The following TRPM1 variants were observed in gnomAD, a reference collection of about 807,000 sequenced individuals.
The protein encoded by TRPM1 is transient receptor potential cation channel subfamily M member 1.
TRPM1 carries 113 observed loss-of-function variants against 149.4 expected under a neutral mutation model. That is an observed-to-expected ratio of 0.76 (90% confidence interval 0.65 to 0.88). TRPM1 has a LOEUF of 0.88. Ranked by LOEUF, TRPM1 falls within the 40% of genes least tolerant of loss-of-function variation. The probability of loss-of-function intolerance (pLI) is 0.00; values close to 1 mark genes in which losing one functional copy is unlikely to be tolerated. For missense variants in TRPM1, 1,976 were observed against 2,038.7 expected, an observed-to-expected ratio of 0.97 and a Z score of 0.59; for synonymous variants, 741 against 759.5, an observed-to-expected ratio of 0.98 and a Z score of 0.40.
At chr15:31,144,696 T>C (rs1053052680) in intron 1 of TRPM1, among the ~76,000 whole-genome samples, 4 of 151,584 alleles carry the variant, frequency 2.6e-5, no homozygotes, top group Non-Finnish European at 5.9e-5. Context: ...CTGTGGCCCT[T>C]TTCATTGTTT....
intron 27 of TRPM1, among the ~76,000 whole-genome samples, chr15:31,006,086 C>T (rs930725475): frequency 4.6e-5 from 7 of 152,206 alleles, no homozygotes; most frequent in African/African-American, 1.7e-4. Context: ...TTTTTCAGCA[C>T]ATTACAGAAT....
intron 1 of TRPM1, among the ~76,000 whole-genome samples, chr15:31,098,215 CGGATCACCTGAGGTCA>C (rs2035435940): frequency 6.6e-6 from 1 of 151,922 alleles, no homozygotes; most frequent in Non-Finnish European, 1.5e-5. Context: ...CTGAGGTGGG[CGGATCACCTGAGGTCA>C]GGAGTTTGAG....
intron 1 of TRPM1, chr15:31,160,786 C>T (rs2036434472): frequency 2.7e-6 from 3 of 1,129,484 alleles, no homozygotes; most frequent in Non-Finnish European, 3.8e-6. Flanking sequence ...CATGCCCACC[C>T]AGCACAGTTT....
intron 26 of TRPM1, among the ~76,000 whole-genome samples, chr15:31,026,709 G>A (rs1372106959): frequency 6.6e-6 from 1 of 152,106 alleles, no homozygotes; most frequent in Non-Finnish European, 1.5e-5. Flanking sequence ...CTATGAGCTG[G>A]CTTTCCTAAT....
At position 31,069,494 on chromosome 15, in the gene TRPM1, T is replaced by C. The variant is rs2140965985; in HGVS notation, c.279+537A>G. 4.6e-6 allele frequency: 5 copies of C among 1,075,934 alleles called. No individual in the cohort carries two copies. In the South Asian group the frequency reaches 2.2e-4, roughly 46 times the overall value. The allele number at this position is 1,075,934 out of a possible 1,614,324, so 66.6% of individuals were successfully genotyped here. A position where few individuals can be genotyped will look rare whatever the true frequency, so the allele number is the denominator to read the frequency against. On this transcript the variant is annotated intron_variant, in intron 4 of 27. Coordinates refer to ENST00000256552, the MANE Select transcript of TRPM1 (RefSeq NM_001252024.2). ...GGGCATGTAGGAGTGTAATTCAGAG[T>C]GAGCTGGAACGGATCACAGAGCTGA...
intron 3 of TRPM1, among the ~76,000 whole-genome samples, chr15:31,075,419 A>C (rs1197136860): frequency 6.6e-6 from 1 of 152,232 alleles, no homozygotes; most frequent in East Asian, 1.9e-4. Context: ...TCATTATAAA[A>C]TGTTCTTAAT....
rs1555431120 is a variant in TRPM1 at position 31,119,243 on chromosome 15, A to AAAACAAAT, written c.54+41662_54+41663insATTTGTTT. Among the ~76,000 whole-genome samples, 5 of 148,264 alleles carry AAAACAAAT rather than the reference A, an allele frequency of 3.4e-5. No individual in the cohort carries two copies. The East Asian group carries it at 1.0e-3, about 30-fold the overall frequency. On this transcript the variant is annotated intron_variant, in intron 1 of 26. Coordinates refer to the TRPM1 transcript ENST00000542188. ...GCAACAAGAGTGAAACTCCATCTCA[A>AAAACAAAT]AAATAAATAAATAAATAAATAAATA...
At chr15:31,133,358 A>G (rs1010935816) in intron 1 of TRPM1, among the ~76,000 whole-genome samples, 1 of 152,306 alleles carries the variant, frequency 6.6e-6, no homozygotes, top group East Asian at 1.9e-4. Flanking sequence ...ACTTGAGGTC[A>G]GGAGTTGGAG....
intron 1 of TRPM1, among the ~76,000 whole-genome samples, chr15:31,084,389 C>A (rs2034941588): frequency 6.6e-6 from 1 of 152,152 alleles, no homozygotes; most frequent in African/African-American, 2.4e-5. Context: ...CAGCTCCTGG[C>A]AACCACAAAT....
intron 1 of TRPM1, among the ~76,000 whole-genome samples, chr15:31,140,746 T>C (rs751319005): frequency 2.0e-5 from 3 of 152,246 alleles, no homozygotes; most frequent in Non-Finnish European, 2.9e-5. Context: ...ACCTCTTTTC[T>C]TTATAAATTA....
chr15:31,112,589 T>A (rs1158547452), intron 1 of TRPM1, among the ~76,000 whole-genome samples: 3 of 152,120 alleles, frequency 2.0e-5, no homozygotes, highest in African/African-American at 7.2e-5. Context: ...AGGGGCCAAT[T>A]AAACTTTTTT....
At chr15:31,036,177 G>T (rs2033360486) in intron 20 of TRPM1, among the ~76,000 whole-genome samples, 1 of 152,096 alleles carries the variant, frequency 6.6e-6, no homozygotes, top group Non-Finnish European at 1.5e-5. Context: ...GGCATGTCCA[G>T]GATTTGCTGT....
rs2033580648 is a variant in TRPM1 at position 31,040,524 on chromosome 15, G to C, written c.2088-178C>G. On this transcript the variant is annotated intron_variant, in intron 17 of 27. Coordinates refer to ENST00000256552, the MANE Select transcript of TRPM1 (RefSeq NM_001252024.2). The surrounding 1 kb of genome is among the most constrained non-coding windows in gnomAD (Gnocchi z 4.2). ...ATGTGTCCCCAAAGGGGGAAGGCCA[G>C]GGACAGTGGCTGGGAGCTCAGTCAG... 6.6e-6 allele frequency among the ~76,000 whole-genome samples: 1 copy of C among 152,256 alleles called. No individual in the cohort carries two copies. Among genetic ancestry groups the C allele is most frequent in the African/African-American group, 2.4e-5 (1 of 41,470 alleles).
chr15:31,160,884 G>A, intron 1 of TRPM1: 1 of 1,535,364 alleles, frequency 6.5e-7, no homozygotes, highest in South Asian at 1.2e-5. Context: ...CTGCCCGCAG[G>A]CCACTGGCAA....
At chr15:31,032,293 T>C (rs574789066) in intron 22 of TRPM1, among the ~76,000 whole-genome samples, 1 of 152,034 alleles carries the variant, frequency 6.6e-6, no homozygotes, top group East Asian at 1.9e-4. Context: ...TCAGAAGGAA[T>C]AAAAAACAAA....
intron 1 of TRPM1, among the ~76,000 whole-genome samples, chr15:31,109,333 C>CAAAAAAAAAAAAAAAAAAAAAAAA (rs36072024): frequency 3.1e-5 from 1 of 32,298 alleles, no homozygotes; most frequent in Non-Finnish European, 6.0e-5. Flanking sequence ...GACTCTGCCT[C>CAAAAAAAAAAAAAAAAAAAAAAAA]AAAAAAAAAA....
intron 27 of TRPM1, among the ~76,000 whole-genome samples, chr15:31,015,397 G>T (rs2032323365): frequency 6.6e-6 from 1 of 150,536 alleles, no homozygotes; most frequent in African/African-American, 2.5e-5. Context: ...GGGTGACAGA[G>T]CGAGACTCCG....
At chr15:31,022,763 C>T (rs953038345) in intron 27 of TRPM1, among the ~76,000 whole-genome samples, 3 of 152,032 alleles carry the variant, frequency 2.0e-5, no homozygotes, top group East Asian at 1.9e-4. Flanking sequence ...GTCATCCATT[C>T]GTTCAAAAAA....
At chr15:31,097,444 T>G (rs1303949725) in intron 1 of TRPM1, among the ~76,000 whole-genome samples, 1 of 152,222 alleles carries the variant, frequency 6.6e-6, no homozygotes, top group Non-Finnish European at 1.5e-5. Context: ...TGCCTGTCTT[T>G]GACCCAGCAC....
Sources: allele counts gnomAD v4.1 joint callset (sites outside exome capture counted in the v4.1 genomes callset), GRCh38; gene constraint gnomAD v4.1.1; non-coding constraint Gnocchi (gnomAD v3.1); transcripts MANE v1.5; gene names NCBI Gene and HGNC (gene_info 2026-07-23, HGNC 2026-07-21).